UTRN: variants seen among roughly 807,000 people sequenced by gnomAD.
The protein encoded by UTRN is utrophin, also known as dystrophin-related protein 1.
In UTRN, 283 loss-of-function variants were observed where a neutral mutation model predicts 463.9. The observed-to-expected ratio is 0.61, with a 90% CI of 0.55 to 0.67. UTRN has a LOEUF of 0.67. Ranked by LOEUF, UTRN falls within the 30% of genes least tolerant of loss-of-function variation. The pLI is 0.00. For synonymous variants in UTRN, 1,442 were observed against 1,431.5 expected (o/e 1.01, Z -0.17); for missense variants, 3,922 against 4,084.3 (o/e 0.96, Z 1.08).
At chr6:144,479,063 T>C (rs1791557848) in intron 25 of UTRN, among the ~76,000 whole-genome samples, 2 of 151,136 alleles carry the variant, frequency 1.3e-5, no homozygotes, top group African/African-American at 4.9e-5. Flanking sequence ...GAAATCTTAA[T>C]GGGAAGTGCA....
chr6:144,820,795 A>G, intron 65 of UTRN, 87 bp from the exon 66 acceptor site: 1 of 1,477,944 alleles, frequency 6.8e-7, no homozygotes. Context: ...ATTTAATTGC[A>G]TCAATTTACA....
intron 51 of UTRN, among the ~76,000 whole-genome samples, chr6:144,627,796 GTTT>G (rs34178832): frequency 4.1e-3 from 463 of 112,082 alleles, no homozygotes; most frequent in African/African-American, 0.014. Context: ...TTCCTTCTGT[GTTT>G]TTTTTTTTTT....
At chr6:144,309,879 T>C (rs1472063586) in intron 2 of UTRN, among the ~76,000 whole-genome samples, 1 of 152,246 alleles carries the variant, frequency 6.6e-6, no homozygotes, top group Non-Finnish European at 1.5e-5. Context: ...GCTCATTATA[T>C]GAGGCAGGCA....
At chr6:144,620,990 T>A (rs972478780) in intron 51 of UTRN, among the ~76,000 whole-genome samples, 2 of 152,134 alleles carry the variant, frequency 1.3e-5, no homozygotes, top group African/African-American at 4.8e-5. Flanking sequence ...GTAGGGTTAA[T>A]GATTGAGTGT....
intron 58 of UTRN, among the ~76,000 whole-genome samples, chr6:144,761,615 C>T (rs879621499): frequency 6.6e-6 from 1 of 151,896 alleles, no homozygotes; most frequent in Non-Finnish European, 1.5e-5. Flanking sequence ...CACTGCACTA[C>T]AGTCTGGGCA....
chr6:144,320,015 G>A (rs879358267), intron 2 of UTRN, among the ~76,000 whole-genome samples: 8 of 151,998 alleles, frequency 5.3e-5, no homozygotes, highest in Non-Finnish European at 1.2e-4. Context: ...CACCACGCCC[G>A]GCTAGTTTTT....
At chr6:144,850,925 C>A in intron 74 of UTRN, 64 bp from the exon 75 acceptor site, 2 of 1,601,710 alleles carry the variant, frequency 1.2e-6, no homozygotes, top group East Asian at 4.5e-5. Flanking sequence ...GAAGAATTGA[C>A]AGATCTCTGC....
chr6:144,830,662 A>G (rs1362437285), intron 69 of UTRN, among the ~76,000 whole-genome samples: 1 of 152,140 alleles, frequency 6.6e-6, no homozygotes, highest in Non-Finnish European at 1.5e-5. Context: ...AGCCCAACAC[A>G]AATTCATAAA....
intron 2 of UTRN, among the ~76,000 whole-genome samples, chr6:144,355,106 A>G (rs79559190): frequency 0.064 from 9,680 of 152,146 alleles, 1,041 homozygotes; most frequent in African/African-American, 0.22. Context: ...TGTTCGGTGA[A>G]TGAGATATAA....
At chr6:144,694,454 A>AT (rs1454568190) in intron 52 of UTRN, among the ~76,000 whole-genome samples, 1 of 152,078 alleles carries the variant, frequency 6.6e-6, no homozygotes, top group Non-Finnish European at 1.5e-5. Context: ...GAACAGTTTC[A>AT]TTAGGAATGG....
intron 51 of UTRN, among the ~76,000 whole-genome samples, chr6:144,660,932 C>T (rs924014217): frequency 2.6e-5 from 4 of 152,178 alleles, no homozygotes; most frequent in Non-Finnish European, 5.9e-5. Flanking sequence ...GTCTAGCCTG[C>T]CAAATACTAC....
Position 144,678,435 on chromosome 6 carries a change from T to C in UTRN, c.7509T>C (p.Asn2503=), listed in dbSNP as rs115590156. 630 of 1,612,748 alleles carry C rather than the reference T, an allele frequency of 3.9e-4. 3 individuals carry two copies. In the African/African-American group the frequency reaches 7.6e-3, roughly 19 times the overall value. ...TCCAGGCAGAAATTGATGCCCACAA[T>C]GACATATTTAAAAGCATTGACGGAA... ...QDIQAEIDAH[N]DIFKSIDGNR... The change falls in exon 52 of 75, where the codon AAT becomes AAC. Residue 2503 remains asparagine (N), a synonymous_variant. Coordinates refer to ENST00000367545, the MANE Select transcript of UTRN (RefSeq NM_007124.3).
At chr6:144,545,686 A>G (rs954682192) in intron 46 of UTRN, among the ~76,000 whole-genome samples, 28 of 152,060 alleles carry the variant, frequency 1.8e-4, no homozygotes, top group Non-Finnish European at 4.0e-4. Flanking sequence ...GTCTTCTTGT[A>G]TTGATTTTAC....
intron 60 of UTRN, among the ~76,000 whole-genome samples, 158 bp downstream of exon 60, chr6:144,774,522 A>G (rs1775145387): frequency 1.3e-5 from 2 of 151,826 alleles, no homozygotes; most frequent in African/African-American, 4.8e-5. Context: ...TAAATGTTTT[A>G]TTACTTGCCC....
rs537523252 is a variant in UTRN, at chr6:144,629,912, G to A, written c.7480-48494G>A. On this transcript the variant is annotated intron_variant, in intron 51 of 74. Coordinates refer to ENST00000367545, the MANE Select transcript of UTRN (RefSeq NM_007124.3). The stretch of plus-strand genomic sequence containing the variant: ...TTCAAATGTGGCATTCTGGCCGGGC[G>A]TAGTGGCTCACGCCTGTAATCCCAG... 1.7e-3 allele frequency among the ~76,000 whole-genome samples: 252 copies of A among 152,318 alleles called. 2 individuals are homozygous for A. The highest frequency in any genetic ancestry group is 5.6e-3 in the African/African-American group (234 of 41,586).
At chr6:144,386,395 G>T (rs549648973) in intron 2 of UTRN, among the ~76,000 whole-genome samples, 1 of 152,292 alleles carries the variant, frequency 6.6e-6, no homozygotes, top group South Asian at 2.1e-4. Flanking sequence ...GAAGTTGAAG[G>T]CTGCAGTGAG....
Position 144,539,444 on chromosome 6 carries a change from G to A in UTRN, c.6519+1G>A, listed in dbSNP as rs751640695. 1.3e-6 allele frequency: 2 copies of A among 1,590,302 alleles called. No homozygotes were observed. Among genetic ancestry groups the A allele is most frequent in the Non-Finnish European group, 8.6e-7 (1 of 1,168,684 alleles). ...GACTGTAAATATGACATGGAATAAG[G>A]TGTGTGTAAAGTTACTATCACACAT... On this transcript the variant is annotated splice_donor_variant, in intron 45 of 74. Transcript: ENST00000367545. LOFTEE classifies it high-confidence loss of function.
At chr6:144,542,150 G>A (rs1798029133) in intron 45 of UTRN, among the ~76,000 whole-genome samples, 1 of 152,176 alleles carries the variant, frequency 6.6e-6, no homozygotes, top group African/African-American at 2.4e-5. Flanking sequence ...CTTCACTACG[G>A]AGATAGATGA....
intron 68 of UTRN, 88 bp downstream of exon 68, chr6:144,827,764 AT>A (rs1468785511): frequency 7.0e-7 from 1 of 1,429,278 alleles, no homozygotes; most frequent in African/African-American, 1.5e-5. Context: ...ATATACCTTG[AT>A]TTAAGAAATG....
Sources: gnomAD v4.1 joint callset for allele counts (sites outside exome capture counted in the v4.1 genomes callset) on GRCh38, gnomAD v4.1.1 for gene constraint, MANE v1.5 for transcripts, NCBI Gene and HGNC (gene_info 2026-07-23, HGNC 2026-07-21) for gene names.